Variants in SLC25A41 observed in about 807,000 individuals in gnomAD.
The protein encoded by SLC25A41 is mitochondrial carrier protein SCaMC-3L.
Under a neutral mutation model 34.7 loss-of-function variants are expected in SLC25A41, and 35 were observed. The observed-to-expected ratio is 1.01, with a 90% CI of 0.77 to 1.34. The LOEUF (loss-of-function observed/expected upper bound fraction) is 1.34. Among genes scored for constraint, SLC25A41 ranks in the 40% most tolerant of loss-of-function variants. SLC25A41 has a pLI of 0.00. For missense variants in SLC25A41, 492 were observed against 489.8 expected (o/e 1.00, Z -0.04); for synonymous variants, 190 against 209.9 (o/e 0.91, Z 0.82).
At chr19:6,429,581 A>T in intron 4 of SLC25A41, 143 bp downstream of exon 4, 2 of 456,830 alleles carry the variant, frequency 4.4e-6, no homozygotes, top group Non-Finnish European at 7.4e-6. Flanking sequence ...GAGGAGGAAG[A>T]GGTGAACGGG....
chr19:6,429,376 G>GGGA (rs2092270764), intron 4 of SLC25A41, among the ~76,000 whole-genome samples: 5 of 256 alleles, frequency 0.02, no homozygotes, highest in Non-Finnish European at 0.024. Flanking sequence ...GAGGGAGAAA[G>GGGA]GAAAGGAAGA....
chr19:6,429,440 A>AGAATAG (rs1568350170), intron 4 of SLC25A41, among the ~76,000 whole-genome samples: 4 of 6,006 alleles, frequency 6.7e-4, no homozygotes, highest in Non-Finnish European at 1.2e-3. Flanking sequence ...AGGAGGAGGG[A>AGAATAG]AGGAGGAGGA....
At chr19:6,430,305 C>T in intron 2 of SLC25A41, 144 bp from the exon 3 acceptor site, 1 of 976,076 alleles carries the variant, frequency 1.0e-6, no homozygotes, top group Non-Finnish European at 1.5e-6. Flanking sequence ...TCTTCAGCTC[C>T]TTCCCCGGCC....
intron 2 of SLC25A41, among the ~76,000 whole-genome samples, chr19:6,431,281 G>T (rs925692474): frequency 6.7e-6 from 1 of 149,930 alleles, no homozygotes; most frequent in Non-Finnish European, 1.5e-5. Context: ...CAGGGATCTC[G>T]CTCTGTCACC....
chr19:6,434,965 A>G (rs1173709424), upstream of SLC25A41, among the ~76,000 whole-genome samples: 2 of 151,836 alleles, frequency 1.3e-5, no homozygotes, highest in South Asian at 2.1e-4. Context: ...GCTCATTCCT[A>G]TAATAGCAGC....
upstream of SLC25A41, chr19:6,433,844 C>G (rs907075506): frequency 1.1e-5 from 6 of 544,578 alleles, no homozygotes; most frequent in Middle Eastern, 9.9e-4. Flanking sequence ...GTGTGGTGGG[C>G]AGCGTGATGG....
rs1198603148 is a variant in SLC25A41, at chr19:6,433,617, AGT to A, written c.75_76del (p.Leu25PhefsTer34). 6.2e-7 allele frequency: 1 copy of A among 1,611,718 alleles called. No homozygotes were observed. Among genetic ancestry groups the A allele is most frequent in the African/African-American group, 1.3e-5 (1 of 74,824 alleles). On this transcript the variant is annotated frameshift_variant, in exon 1 of 7. Transcript: ENST00000321510. LOFTEE classifies it high-confidence loss of function. ...TTGGGGGGGAGGCGGGGCTTTGATG[AGT>A]AAGGTCTTGACCCTCCTAAACAGTG... is the stretch of plus-strand genomic sequence containing the variant.
chr19:6,429,905 T>G (rs2092277128), intron 3 of SLC25A41, 74 bp from the exon 4 acceptor site: 2 of 1,590,508 alleles, frequency 1.3e-6, no homozygotes, highest in Admixed American at 3.6e-5. Context: ...GGAAGAGGCC[T>G]GGGGTCTGGA....
chr19:6,430,103 T>C lies in SLC25A41; in HGVS notation c.422A>G (p.Gln141Arg). Reference sequence around the variant, plus strand: ...CCACAGGGAGCGGAAGCCGCCCTCCTGGACCATGCTCTGTAGCCCCCCCAG... The same window carrying C: ...CCACAGGGAGCGGAAGCCGCCCTCCCGGACCATGCTCTGTAGCCCCCCCAG... ...NLLGGLQSMVQEGGFRSLWRG... is the reference protein window; with the variant it reads ...NLLGGLQSMVREGGFRSLWRG... Residue 141 changes from glutamine (Q) to arginine (R), a missense_variant, in exon 3 of 7, where the codon CAG (glutamine) becomes CGG (arginine). Gln to Arg is a conservative substitution (Grantham distance 43). Transcript: ENST00000321510. 1 of 1,613,496 alleles carries C rather than the reference T, an allele frequency of 6.2e-7. No individual in the cohort carries two copies. The highest frequency in any genetic ancestry group is 8.5e-7 in the Non-Finnish European group (1 of 1,179,702).
chr19:6,430,699 G>C, intron 2 of SLC25A41: 2 of 202,430 alleles, frequency 9.9e-6, no homozygotes, highest in Non-Finnish European at 2.1e-5. Context: ...TGTTGGCCAG[G>C]CTGGTCTGGA....
Position 6,429,043 on chromosome 19 carries a change from T to TC in SLC25A41, c.624+680_624+681insG, listed in dbSNP as rs2092259145. ...AAAATTTATATATATATATATAATA[T>TC]ATATATTATATATATGTTATATATA... On this transcript the variant is annotated intron_variant, in intron 4 of 6. Transcript: ENST00000321510. Among the ~76,000 whole-genome samples the TC allele has an allele frequency of 9.2e-5, 5 of 54,356 alleles. 1 individual carries two copies. Among genetic ancestry groups the TC allele is most frequent in the Non-Finnish European group, 1.2e-4 (4 of 34,390 alleles). The allele number at this position is 54,356 out of a possible 152,430, so 35.7% of individuals were successfully genotyped here.
At chr19:6,436,264 C>A (rs1201187480), upstream of SLC25A41, 2 of 347,794 alleles carry the variant, frequency 5.8e-6, no homozygotes, top group Non-Finnish European at 1.2e-5. Flanking sequence ...GTCTAAGATT[C>A]AGGATTCAGG....
At chr19:6,428,457 A>G (rs62107580) in intron 4 of SLC25A41, among the ~76,000 whole-genome samples, 20,621 of 147,452 alleles carry the variant, frequency 0.14, 1,595 homozygotes, top group African/African-American at 0.21. Flanking sequence ...TCCACAGATG[A>G]GAAATGAAAA....
chr19:6,428,387 C>T (rs1268149950), intron 4 of SLC25A41, among the ~76,000 whole-genome samples: 5 of 137,834 alleles, frequency 3.6e-5, no homozygotes, highest in African/African-American at 1.4e-4. Flanking sequence ...GCCTGGGTGA[C>T]AGAGTGAGAC....
intron 4 of SLC25A41, among the ~76,000 whole-genome samples, chr19:6,428,759 T>G (rs1391590774): frequency 1.4e-5 from 2 of 145,798 alleles, no homozygotes; most frequent in African/African-American, 5.0e-5. Context: ...TCACCCAGGC[T>G]GGAGTGCAGT....
upstream of SLC25A41, chr19:6,435,957 GC>G (rs1302571227): frequency 3.9e-5 from 6 of 155,670 alleles, no homozygotes; most frequent in Non-Finnish European, 5.7e-5. Context: ...GGAGTTTGAA[GC>G]TGCAGTGAGC....
At position 6,427,042 on chromosome 19, in the gene SLC25A41, T is replaced by G; in HGVS notation, c.940+61A>C. 3 of 1,529,488 alleles carry G rather than the reference T, an allele frequency of 2.0e-6. No individual in the cohort carries two copies. Among genetic ancestry groups the G allele is most frequent in the Non-Finnish European group, 2.6e-6 (3 of 1,132,512 alleles). The allele number at this position is 1,529,488 out of a possible 1,614,324, so 94.7% of individuals were successfully genotyped here. ...ACTCAGTTTTGGGGTATGAGAAAAT[T>G]GAGACAGCCAGGGTGGGGCGGGGAA... On this transcript the variant is annotated intron_variant, in intron 6 of 6. Transcript: ENST00000321510. This position sits in a 1 kb window ranked among gnomAD's most constrained non-coding sequence, Gnocchi z 4.9.
rs2092258446 is a variant in SLC25A41 at position 6,429,035 on chromosome 19, ATATAATATATATATTAT to A, written c.624+672_624+688del. ...CTGGCCTGAAAATTTATATATATAT[ATATAATATATATATTAT>A]ATATATGTTATATATATATATAATA... On this transcript the variant is annotated intron_variant, in intron 4 of 6. Transcript: ENST00000321510. Among the ~76,000 whole-genome samples the A allele has an allele frequency of 4.7e-5, 2 of 42,380 alleles. 1 individual carries two copies. The highest frequency in any genetic ancestry group is 3.9e-4 in the African/African-American group (2 of 5,080). The allele number at this position is 42,380 out of a possible 152,430, so 27.8% of individuals were successfully genotyped here.
chr19:6,433,673 T>C lies in SLC25A41; in HGVS notation c.21A>G (p.Glu7=), dbSNP rs542386229. Residue 7 remains glutamate (E), a synonymous_variant, in exon 1 of 7, where the codon GAA becomes GAG. Coordinates refer to ENST00000321510, the MANE Select transcript of SLC25A41 (RefSeq NM_173637.4). Reference sequence around the variant, plus strand: ...GGATCCTAGAGCAAGTGTTCTGAGGTTCCCCAGGCTGAGCGCCCATGGAGG... The same window carrying C: ...GGATCCTAGAGCAAGTGTTCTGAGGCTCCCCAGGCTGAGCGCCCATGGAGG... The part of the protein sequence containing the change: MGAQPG[E]PQNTCSRIQT... The C allele has an allele frequency of 2.5e-6, 4 of 1,570,650 alleles. No homozygotes were observed. In the East Asian group the frequency reaches 9.0e-5, roughly 35 times the overall value.
Sources: allele counts gnomAD v4.1 joint callset (sites outside exome capture counted in the v4.1 genomes callset), GRCh38; gene constraint gnomAD v4.1.1; non-coding constraint Gnocchi (gnomAD v3.1); transcripts MANE v1.5; gene names NCBI Gene and HGNC (gene_info 2026-07-23, HGNC 2026-07-21).